DBT: variants seen among roughly 807,000 people sequenced by gnomAD.
The protein encoded by DBT is dihydrolipoamide branched chain transacylase E2.
In DBT, 40 loss-of-function variants were observed where a neutral mutation model predicts 51.3. The ratio of observed to expected loss-of-function variants is 0.78; its 90% CI spans 0.61 to 1.02. DBT has a LOEUF of 1.02. Among genes scored for constraint, DBT ranks in the 50% least tolerant of loss-of-function variants. DBT has a pLI of 0.00. For missense variants in DBT, 510 were observed against 580.2 expected (o/e 0.88, Z 1.24); for synonymous variants, 181 against 190.4 (o/e 0.95, Z 0.41).
chr1:100,213,499 C>G, intron 7 of DBT: 1 of 1,544,910 alleles, frequency 6.5e-7, no homozygotes, highest in Non-Finnish European at 9.0e-7. Context: ...GCTATCCTAC[C>G]AACTCTATCG....
Position 100,210,958 on chromosome 1 carries a change from A to G in DBT, c.940-187T>C, listed in dbSNP as rs1008314367. The G allele has an allele frequency of 2.8e-5, 31 of 1,110,694 alleles. No individual in the cohort carries two copies. The Admixed American group carries it at 3.5e-4, about 12-fold the overall frequency. 68.8% of individuals were successfully genotyped at this position (1,110,694 alleles called of 1,614,324 possible). A position where few individuals can be genotyped will look rare whatever the true frequency, so the allele number is the denominator to read the frequency against. On this transcript the variant is annotated intron_variant, in intron 7 of 10. Transcript: ENST00000370132. ...CCTTCAGGCCATGTGGAACTAGGTC[A>G]CCCTAATCATTAAAGAATAAAAGAT...
At chr1:100,238,242 A>ACTTCCTTTCCTCC (rs542345514) in intron 2 of DBT, among the ~76,000 whole-genome samples, 1 of 91,208 alleles carries the variant, frequency 1.1e-5, no homozygotes, top group African/African-American at 4.4e-5. Flanking sequence ...TCCTTCCCTC[A>ACTTCCTTTCCTCC]CTTCCTTTCC....
At chr1:100,232,218 T>A (rs1663587318) in intron 3 of DBT, among the ~76,000 whole-genome samples, 1 of 152,318 alleles carries the variant, frequency 6.6e-6, no homozygotes, top group African/African-American at 2.4e-5. Flanking sequence ...GTATATTAAA[T>A]GCATTTTCAA....
rs1360075064 is a variant in DBT, at chr1:100,193,359, C to T, written c.*2896G>A. On this transcript the variant is annotated 3_prime_UTR_variant, in exon 11 of 11. Coordinates refer to ENST00000370132, the MANE Select transcript of DBT (RefSeq NM_001918.5). ...ATAATTGGTTAAATTATGGGACATC[C>T]ATCTTCTGATCCTTCCAGATAAGAT... The T allele has an allele frequency of 6.6e-6, 1 of 152,154 alleles. No homozygotes were observed. Among genetic ancestry groups the T allele is most frequent in the African/African-American group, 2.4e-5 (1 of 41,408 alleles). The allele number at this position is 152,154 out of a possible 1,614,324, so 9.4% of individuals were successfully genotyped here.
At chr1:100,246,233 G>A (rs1189915336) in intron 1 of DBT, among the ~76,000 whole-genome samples, 2 of 152,070 alleles carry the variant, frequency 1.3e-5, no homozygotes, top group Non-Finnish European at 2.9e-5. Context: ...ACTCCAGCCT[G>A]GTGACAGAGT....
intron 1 of DBT, among the ~76,000 whole-genome samples, chr1:100,248,056 C>T (rs1272314175): frequency 6.7e-6 from 1 of 149,476 alleles, no homozygotes; most frequent in Non-Finnish European, 1.5e-5. Context: ...GAGCCAAGAT[C>T]GCACCACTGT....
chr1:100,189,751 CA>C lies in DBT; in HGVS notation c.*6503del, dbSNP rs1391545268. 1 of 152,112 alleles carries C rather than the reference CA, an allele frequency of 6.6e-6. No individual in the cohort carries two copies. The highest frequency in any genetic ancestry group is 1.9e-4 in the East Asian group (1 of 5,200). 9.4% of individuals were successfully genotyped at this position (152,112 alleles called of 1,614,324 possible). On this transcript the variant is annotated 3_prime_UTR_variant, in exon 11 of 11. Transcript: ENST00000370132. ...AAAGCATTCTGAGTCTTCTTTTAGGCAAACTGAAATTTGCCATTAGAGAAGG... is the reference window on the plus strand; with the variant it reads ...AAAGCATTCTGAGTCTTCTTTTAGGCAACTGAAATTTGCCATTAGAGAAGG...
intron 2 of DBT, among the ~76,000 whole-genome samples, chr1:100,235,896 T>C (rs1366621957): frequency 6.6e-6 from 1 of 152,244 alleles, no homozygotes; most frequent in Non-Finnish European, 1.5e-5. Flanking sequence ...TATGAAACTA[T>C]AATAACATGA....
intron 7 of DBT, chr1:100,213,370 C>T (rs1161314779): frequency 6.5e-7 from 1 of 1,544,660 alleles, no homozygotes; most frequent in Non-Finnish European, 8.7e-7. Flanking sequence ...ACGCGTGAGG[C>T]CCGCACGGCT....
At chr1:100,239,694 C>G (rs1570845877) in intron 2 of DBT, among the ~76,000 whole-genome samples, 1 of 151,936 alleles carries the variant, frequency 6.6e-6, no homozygotes, top group Non-Finnish European at 1.5e-5. Flanking sequence ...ACTGTGACAA[C>G]ATCCTGATAA....
intron 2 of DBT, among the ~76,000 whole-genome samples, chr1:100,236,375 C>A (rs1001607253): frequency 1.3e-5 from 2 of 152,178 alleles, no homozygotes; most frequent in African/African-American, 4.8e-5. Flanking sequence ...TCCAGGTTAA[C>A]AAATGGCTCT....
rs1276514221 is a variant in DBT at position 100,193,437 on chromosome 1, C to G, written c.*2818G>C. The G allele has an allele frequency of 1.1e-4, 16 of 152,098 alleles. No homozygotes were observed. Among genetic ancestry groups the G allele is most frequent in the Admixed American group, 1.0e-3 (16 of 15,276 alleles). The allele number at this position is 152,098 out of a possible 1,614,324, so 9.4% of individuals were successfully genotyped here. On this transcript the variant is annotated 3_prime_UTR_variant, in exon 11 of 11. Coordinates refer to ENST00000370132, the MANE Select transcript of DBT (RefSeq NM_001918.5). ...CATCTGGGTTATTACCTACCAAGAA[C>G]AGTGTTTTATGCAGTTATTTAATAT...
chr1:100,233,096 AT>A (rs1663639571), intron 3 of DBT, among the ~76,000 whole-genome samples: 1 of 152,138 alleles, frequency 6.6e-6, no homozygotes, highest in Non-Finnish European at 1.5e-5. Context: ...AAGTAAAAGG[AT>A]TGAAAAAGAT....
At chr1:100,230,941 T>A (rs775837936) in intron 3 of DBT, 27 bp from the exon 4 acceptor site, 2 of 1,367,986 alleles carry the variant, frequency 1.5e-6, no homozygotes, top group South Asian at 1.2e-5. Flanking sequence ...TGAGACACTT[T>A]TATGGAAACA....
In DBT at chr1:100,189,948, T is replaced by A. The variant is rs1322193427; in HGVS notation, c.*6307A>T. Reference sequence around the variant, plus strand: ...CCACATGTAGCTATTTAAATTTAAATTTAATTAGTGTGGCTACTGAGCAAT... The same window carrying A: ...CCACATGTAGCTATTTAAATTTAAAATTAATTAGTGTGGCTACTGAGCAAT... On this transcript the variant is annotated 3_prime_UTR_variant, in exon 11 of 11. Coordinates refer to ENST00000370132, the MANE Select transcript of DBT (RefSeq NM_001918.5). The A allele has an allele frequency of 1.3e-5, 2 of 152,328 alleles. No individual in the cohort carries two copies. Among genetic ancestry groups the A allele is most frequent in the East Asian group, 3.9e-4 (2 of 5,190 alleles). The allele number at this position is 152,328 out of a possible 1,614,324, so 9.4% of individuals were successfully genotyped here.
intron 1 of DBT, among the ~76,000 whole-genome samples, chr1:100,247,891 C>T (rs1042032785): frequency 1.3e-5 from 2 of 151,730 alleles, no homozygotes; most frequent in African/African-American, 4.8e-5. Context: ...CACTTGAGGT[C>T]AGGAGTTTGA....
At chr1:100,234,163 A>C (rs1284874118) in intron 3 of DBT, among the ~76,000 whole-genome samples, 1 of 152,222 alleles carries the variant, frequency 6.6e-6, no homozygotes, top group African/African-American at 2.4e-5. Flanking sequence ...AATTCAAGAA[A>C]GCTCTTAATA....
rs398123668 is a variant in DBT, at chr1:100,230,805, G to GT, written c.360dup (p.Leu121ThrfsTer4). Reference sequence around the variant, plus strand: ...GCAATATCGTCTAGATTATAATAGAGTTTTTTAATGACTCCATCATAACGA... The same window carrying GT: ...GCAATATCGTCTAGATTATAATAGAGTTTTTTTAATGACTCCATCATAACGA... On this transcript the variant is annotated frameshift_variant, in exon 4 of 11. Transcript: ENST00000370132. LOFTEE classifies it high-confidence loss of function. The GT allele has an allele frequency of 6.2e-7, 1 of 1,609,980 alleles. No homozygotes were observed. Among genetic ancestry groups the GT allele is most frequent in the Non-Finnish European group, 8.5e-7 (1 of 1,176,558 alleles).
rs143407100 is a variant in DBT at position 100,246,950 on chromosome 1, G to GC, written c.51+2819dup. On this transcript the variant is annotated intron_variant, in intron 1 of 10. Transcript: ENST00000370132. ...GCAGATAAGGCCACAGTGGAGTAAG[G>GC]CAAGAGTCTTTAAAGCAGAGGAAAT... is the stretch of plus-strand genomic sequence containing the variant. Among the ~76,000 whole-genome samples the GC allele has an allele frequency of 4.7e-3, 716 of 152,334 alleles. 3 individuals carry two copies. The highest frequency in any genetic ancestry group is 0.016 in the African/African-American group (656 of 41,568).
Sources: allele counts gnomAD v4.1 joint callset (sites outside exome capture counted in the v4.1 genomes callset), GRCh38; gene constraint gnomAD v4.1.1; transcripts MANE v1.5; gene names NCBI Gene and HGNC (gene_info 2026-07-23, HGNC 2026-07-21).